ADAM32: variants seen among roughly 807,000 people sequenced by gnomAD.
The protein encoded by ADAM32 is disintegrin and metalloproteinase domain-containing protein 32.
In ADAM32, 89 loss-of-function variants were observed where a neutral mutation model predicts 114.9. That is an observed-to-expected ratio of 0.77 (90% CI 0.65 to 0.92). The LOEUF is 0.92. Among genes scored for constraint, ADAM32 ranks in the 40% least tolerant of loss-of-function variants. The pLI, the probability that ADAM32 is intolerant of heterozygous loss-of-function variation, is 0.00. For missense variants in ADAM32, 870 were observed against 932.8 expected (o/e 0.93, Z 0.88); for synonymous variants, 285 against 307.5 (o/e 0.93, Z 0.77).
intron 11 of ADAM32, among the ~76,000 whole-genome samples, chr8:39,205,151 A>G (rs1807732254): frequency 6.6e-6 from 1 of 152,176 alleles, no homozygotes; most frequent in Admixed American, 6.5e-5. Flanking sequence ...CTCTCTCCAA[A>G]GCTGTCAGAC....
At chr8:39,233,609 C>G (rs1388994622) in intron 15 of ADAM32, among the ~76,000 whole-genome samples, 1 of 152,116 alleles carries the variant, frequency 6.6e-6, no homozygotes, top group African/African-American at 2.4e-5. Context: ...ATGCCGTAAC[C>G]TCCTGGGAAT....
intron 2 of ADAM32, among the ~76,000 whole-genome samples, chr8:39,119,015 T>C (rs1464345309): frequency 2.0e-5 from 3 of 152,188 alleles, no homozygotes; most frequent in Admixed American, 1.3e-4. Flanking sequence ...TATGTAAGCT[T>C]TTGTATTAGA....
At chr8:39,135,365 A>G (rs1201701446) in intron 2 of ADAM32, among the ~76,000 whole-genome samples, 1 of 151,980 alleles carries the variant, frequency 6.6e-6, no homozygotes, top group East Asian at 1.9e-4. Context: ...TTCTCGATTT[A>G]TGTCTGGTTT....
intron 6 of ADAM32, chr8:39,157,710 C>T (rs190295184): frequency 1.5e-5 from 16 of 1,033,144 alleles, no homozygotes; most frequent in East Asian, 5.4e-5. Flanking sequence ...GGAGGATGAG[C>T]GCTTGCCTCT....
At chr8:39,155,049 A>G (rs1293205032) in intron 6 of ADAM32, among the ~76,000 whole-genome samples, 1 of 152,184 alleles carries the variant, frequency 6.6e-6, no homozygotes, top group East Asian at 1.9e-4. Context: ...AAAGCGCTCA[A>G]TAAACTAGGT....
chr8:39,241,188 AG>A (rs759017272), intron 16 of ADAM32, among the ~76,000 whole-genome samples: 53 of 152,196 alleles, frequency 3.5e-4, no homozygotes, highest in Non-Finnish European at 7.1e-4. Context: ...CTGATGCAAG[AG>A]GTGGGCTCCC....
At chr8:39,107,612 C>T (rs532345386), upstream of ADAM32, 3 of 1,455,936 alleles carry the variant, frequency 2.1e-6, no homozygotes, top group Admixed American at 5.2e-5. Context: ...GCGGGCCCTT[C>T]GTGTTCCGGA....
chr8:39,116,326 C>T (rs1162214468), intron 1 of ADAM32, among the ~76,000 whole-genome samples: 1 of 152,108 alleles, frequency 6.6e-6, no homozygotes, highest in Non-Finnish European at 1.5e-5. Flanking sequence ...TTGCTTTGAG[C>T]AGTATGGGCC....
chr8:39,179,995 C>G (rs2129446837), intron 10 of ADAM32, among the ~76,000 whole-genome samples: 1 of 152,372 alleles, frequency 6.6e-6, no homozygotes, highest in South Asian at 2.1e-4. Context: ...CCTCCTCTGC[C>G]TGGGCTCCCA....
intron 11 of ADAM32, among the ~76,000 whole-genome samples, chr8:39,196,970 A>G (rs1807050952): frequency 6.6e-6 from 1 of 151,944 alleles, no homozygotes; most frequent in Admixed American, 6.6e-5. Context: ...TCATGTGGTT[A>G]TGGGCTTTCT....
chr8:39,171,603 G>A (rs1805203066), intron 10 of ADAM32, among the ~76,000 whole-genome samples: 2 of 152,032 alleles, frequency 1.3e-5, no homozygotes, highest in South Asian at 4.1e-4. Context: ...AGCAAAAAAT[G>A]ATAGTAAAAC....
At chr8:39,238,114 A>C (rs1278150302) in intron 16 of ADAM32, among the ~76,000 whole-genome samples, 2 of 152,230 alleles carry the variant, frequency 1.3e-5, no homozygotes, top group Non-Finnish European at 2.9e-5. Context: ...TAGCATAACC[A>C]GTCTTGAAGG....
chr8:39,151,130 A>G (rs1206490271), intron 5 of ADAM32, among the ~76,000 whole-genome samples: 1 of 152,210 alleles, frequency 6.6e-6, no homozygotes, highest in Non-Finnish European at 1.5e-5. Flanking sequence ...CTGTTATGCT[A>G]TATACTTGTG....
intron 11 of ADAM32, among the ~76,000 whole-genome samples, chr8:39,202,259 G>A (rs566055321): frequency 6.6e-6 from 1 of 152,232 alleles, no homozygotes; most frequent in African/African-American, 2.4e-5. Context: ...TCTGGTCCTG[G>A]ACTTTTTTTG....
chr8:39,240,235 A>T (rs145403909), intron 16 of ADAM32, among the ~76,000 whole-genome samples: 100 of 152,350 alleles, frequency 6.6e-4, no homozygotes, highest in African/African-American at 2.4e-3. Flanking sequence ...ACTCTCTCAG[A>T]CCACAGCGGA....
rs912434266 is a variant in ADAM32 at position 39,119,184 on chromosome 8, A to G, written c.138+1019A>G. Among the ~76,000 whole-genome samples the G allele has an allele frequency of 5.9e-5, 9 of 152,286 alleles. 1 individual carries two copies. The East Asian group carries it at 1.7e-3, about 29-fold the overall frequency. On this transcript the variant is annotated intron_variant, in intron 2 of 24. Transcript: ENST00000379907. ...ATTGAGTATTATGAATAATTCTTTT[A>G]TGAACATTCATGTATGGACATATAT...
At chr8:39,170,608 G>A (rs1805127045) in intron 10 of ADAM32, among the ~76,000 whole-genome samples, 1 of 151,670 alleles carries the variant, frequency 6.6e-6, no homozygotes, top group Admixed American at 6.6e-5. Context: ...TGTTAATGAT[G>A]TCAAATTTGT....
At chr8:39,172,272 T>TA (rs1805249249) in intron 10 of ADAM32, among the ~76,000 whole-genome samples, 1 of 152,180 alleles carries the variant, frequency 6.6e-6, no homozygotes, top group East Asian at 1.9e-4. Context: ...ATTTTTTTTT[T>TA]AACACAGTGT....
intron 11 of ADAM32, among the ~76,000 whole-genome samples, chr8:39,202,445 T>C (rs1585527623): frequency 6.6e-6 from 1 of 152,194 alleles, no homozygotes; most frequent in African/African-American, 2.4e-5. Flanking sequence ...CTGATGTTAG[T>C]TTGTATTTCT....
Sources: allele counts gnomAD v4.1 joint callset (sites outside exome capture counted in the v4.1 genomes callset), GRCh38; gene constraint gnomAD v4.1.1; transcripts MANE v1.5; gene names NCBI Gene and HGNC (gene_info 2026-07-23, HGNC 2026-07-21).